The following ARHGAP21 variants were observed in gnomAD, a reference collection of about 807,000 sequenced individuals.
The protein encoded by ARHGAP21 is Rho GTPase activating protein 21.
Under a neutral mutation model 164.6 loss-of-function variants are expected in ARHGAP21, and 38 were observed. The ratio of observed to expected loss-of-function variants is 0.23; its 90% CI spans 0.18 to 0.30. The LOEUF (loss-of-function observed/expected upper bound fraction) is 0.30, where lower values mean the gene tolerates loss of function less well. Ranked by LOEUF, ARHGAP21 falls within the 10% of genes least tolerant of loss-of-function variation. ARHGAP21 has a pLI of 1.00. For missense variants in ARHGAP21, 1,822 were observed against 2,370.7 expected (o/e 0.77, Z 4.81); for synonymous variants, 766 against 857.9 (o/e 0.89, Z 1.87).
In ARHGAP21 at chr10:24,620,779, A is replaced by T. The variant is rs765267158; in HGVS notation, c.1116T>A (p.Ser372=). Residue 372 remains serine (S), a synonymous_variant, in exon 9 of 26, where the codon TCT becomes TCA. Transcript: ENST00000396432. ...GGGAATTTGGCGAATAGTGATTAAC[A>T]GATACAGAGGGAGCCTCCACAGCTT... ...RSQAVEAPSV[S]VNHYSPNSHQ... is the part of the protein sequence containing the mutation. 5 of 1,614,084 alleles carry T rather than the reference A, an allele frequency of 3.1e-6. No individual in the cohort carries two copies. The highest frequency in any genetic ancestry group is 1.7e-5 in the Admixed American group (1 of 59,998).
chr10:24,638,945 G>C (rs1836689838), intron 4 of ARHGAP21, among the ~76,000 whole-genome samples: 1 of 152,118 alleles, frequency 6.6e-6, no homozygotes, highest in African/African-American at 2.4e-5. Flanking sequence ...CACTACACTT[G>C]AAATCAGAAA....
At chr10:24,611,861 AAAT>A (rs2077276794) in intron 9 of ARHGAP21, among the ~76,000 whole-genome samples, 1 of 152,144 alleles carries the variant, frequency 6.6e-6, no homozygotes, top group African/African-American at 2.4e-5. Context: ...AGCTAATTTG[AAAT>A]AATTGCCCTG....
At chr10:24,622,799 A>C in intron 7 of ARHGAP21, 37 bp from the exon 8 acceptor site, 1 of 1,596,668 alleles carries the variant, frequency 6.3e-7, no homozygotes, top group Non-Finnish European at 8.5e-7. Flanking sequence ...GAAGCTGCTT[A>C]CTGATATAAA....
intron 4 of ARHGAP21, among the ~76,000 whole-genome samples, chr10:24,658,354 T>C (rs1229776664): frequency 6.6e-6 from 1 of 152,030 alleles, no homozygotes; most frequent in African/African-American, 2.4e-5. Context: ...TAAATCATGC[T>C]GCTATAAAGA....
chr10:24,590,508 T>A (rs1480654989), intron 24 of ARHGAP21: 2 of 1,532,498 alleles, frequency 1.3e-6, no homozygotes, highest in Non-Finnish European at 1.7e-6. Context: ...GATTTGCCTG[T>A]GTCAGTAAGA....
intron 4 of ARHGAP21, among the ~76,000 whole-genome samples, chr10:24,657,525 C>T (rs1313904767): frequency 9.8e-3 from 856 of 87,562 alleles, no homozygotes; most frequent in Admixed American, 0.014. Flanking sequence ...CCCCTCTGCC[C>T]GGCCACCACC....
intron 4 of ARHGAP21, among the ~76,000 whole-genome samples, chr10:24,657,137 T>C (rs1459115098): frequency 2.1e-4 from 4 of 19,018 alleles, no homozygotes; most frequent in Non-Finnish European, 3.9e-4. Context: ...TCAGCCCCCC[T>C]GCCCGGCCAG....
intron 2 of ARHGAP21, among the ~76,000 whole-genome samples, chr10:24,707,757 T>C (rs142434815): frequency 2.0e-5 from 3 of 152,250 alleles, no homozygotes; most frequent in African/African-American, 7.2e-5. Flanking sequence ...CCAAAACATA[T>C]AATGAACTGT....
intron 4 of ARHGAP21, among the ~76,000 whole-genome samples, chr10:24,635,702 C>T (rs1056157186): frequency 3.3e-5 from 5 of 152,020 alleles, no homozygotes; most frequent in African/African-American, 1.2e-4. Flanking sequence ...GTACACCACC[C>T]CGCCTGCTAA....
At chr10:24,715,598 G>GA (rs994170192) in intron 2 of ARHGAP21, among the ~76,000 whole-genome samples, 1 of 151,994 alleles carries the variant, frequency 6.6e-6, no homozygotes, top group Non-Finnish European at 1.5e-5. Context: ...AAGGTGCAAA[G>GA]AAAAAAGGCA....
At position 24,722,252 on chromosome 10, in the gene ARHGAP21, G is replaced by A; in HGVS notation, c.-353C>T. Reference sequence around the variant, plus strand: ...TGGAAAAATCCGAATGGGTCGTGAAGGTTCGAGTGTCAGCTCCTAGAGAGA... The same window carrying A: ...TGGAAAAATCCGAATGGGTCGTGAAAGTTCGAGTGTCAGCTCCTAGAGAGA... On this transcript the variant is annotated 5_prime_UTR_variant, in exon 2 of 26. Transcript: ENST00000396432. 1 of 336,064 alleles carries A rather than the reference G, an allele frequency of 3.0e-6. No homozygotes were observed. Among genetic ancestry groups the A allele is most frequent in the African/African-American group, 2.1e-5 (1 of 47,726 alleles). 20.8% of individuals were successfully genotyped at this position (336,064 alleles called of 1,614,324 possible). A position where few individuals can be genotyped will look rare whatever the true frequency, so the allele number is the denominator to read the frequency against.
Position 24,584,365 on chromosome 10 carries a change from C to T in ARHGAP21, c.*47G>A, listed in dbSNP as rs369422926. The T allele has an allele frequency of 1.8e-5, 27 of 1,513,104 alleles. No homozygotes were observed. The African/African-American group carries it at 1.8e-4, about 10-fold the overall frequency. 93.7% of individuals were successfully genotyped at this position (1,513,104 alleles called of 1,614,324 possible). A position where few individuals can be genotyped will look rare whatever the true frequency, so the allele number is the denominator to read the frequency against. On this transcript the variant is annotated 3_prime_UTR_variant, in exon 26 of 26. Transcript: ENST00000396432. Reference sequence around the variant, plus strand: ...GAAAATATTGACAGAGTTACTGGAACGTGTAACAGTAGTTTTTTTACTTGC... The same window carrying T: ...GAAAATATTGACAGAGTTACTGGAATGTGTAACAGTAGTTTTTTTACTTGC...
intron 25 of ARHGAP21, among the ~76,000 whole-genome samples, chr10:24,587,954 T>G (rs1418070576): frequency 6.6e-6 from 1 of 152,190 alleles, no homozygotes; most frequent in Non-Finnish European, 1.5e-5. Context: ...AATAACAGGT[T>G]AAGAAAAATG....
chr10:24,591,163 C>G (rs1156781666), intron 24 of ARHGAP21, 62 bp downstream of exon 24: 3 of 1,346,068 alleles, frequency 2.2e-6, no homozygotes, highest in Non-Finnish European at 3.1e-6. Context: ...TTGATTTGCT[C>G]TTTCATATTG....
At chr10:24,667,932 T>G (rs1047741411) in intron 3 of ARHGAP21, among the ~76,000 whole-genome samples, 17 of 152,192 alleles carry the variant, frequency 1.1e-4, no homozygotes, top group African/African-American at 4.1e-4. Flanking sequence ...ATGGAAAAGA[T>G]TCCAATATAT....
chr10:24,714,732 G>C (rs949247430), intron 2 of ARHGAP21, among the ~76,000 whole-genome samples: 1 of 152,096 alleles, frequency 6.6e-6, no homozygotes, highest in Non-Finnish European at 1.5e-5. Context: ...GAAGAAACTT[G>C]CTTTTTAAAA....
At chr10:24,658,138 C>T (rs1839270703) in intron 4 of ARHGAP21, among the ~76,000 whole-genome samples, 1 of 151,642 alleles carries the variant, frequency 6.6e-6, no homozygotes, top group Admixed American at 6.6e-5. Context: ...CCATCTCACA[C>T]CAGTTAGAAT....
intron 2 of ARHGAP21, among the ~76,000 whole-genome samples, chr10:24,675,528 C>A (rs1469804133): frequency 6.6e-6 from 1 of 152,178 alleles, no homozygotes; most frequent in Admixed American, 6.5e-5. Context: ...TGCGTATAAA[C>A]TTACCGAACT....
intron 4 of ARHGAP21, chr10:24,648,871 A>G: frequency 1.0e-6 from 1 of 985,206 alleles, no homozygotes; most frequent in Non-Finnish European, 1.2e-6. Context: ...AAGTGTTTTA[A>G]TCATGTCCTA....
Sources: gnomAD v4.1 joint callset for allele counts (sites outside exome capture counted in the v4.1 genomes callset) on GRCh38, gnomAD v4.1.1 for gene constraint, MANE v1.5 for transcripts, NCBI Gene and HGNC (gene_info 2026-07-23, HGNC 2026-07-21) for gene names.